The following OR9Q1 variants were observed in gnomAD, a reference collection of about 807,000 sequenced individuals.
OR9Q1 encodes the protein olfactory receptor 9Q1.
For missense variants in OR9Q1, 374 were observed against 378.8 expected, an observed-to-expected ratio of 0.99 and a Z score of 0.11; for synonymous variants, 153 against 148.6, an observed-to-expected ratio of 1.03 and a Z score of -0.22.
chr11:58,095,129 T>C (rs1853718090), intron 2 of OR9Q1, among the ~76,000 whole-genome samples: 1 of 152,254 alleles, frequency 6.6e-6, no homozygotes. Context: ...CAAACCACTG[T>C]AGCAAGAGCT....
chr11:58,113,243 G>A (rs1055269983), intron 2 of OR9Q1, among the ~76,000 whole-genome samples: 1 of 152,100 alleles, frequency 6.6e-6, no homozygotes, highest in African/African-American at 2.4e-5. Context: ...TCTTCATTTT[G>A]CAAAAGAGAA....
intron 2 of OR9Q1, among the ~76,000 whole-genome samples, chr11:58,151,319 C>T (rs1214668413): frequency 6.6e-6 from 1 of 152,144 alleles, no homozygotes; most frequent in Admixed American, 6.5e-5. Context: ...ACCAGTGGGG[C>T]AAATGAAGCC....
Position 58,086,919 on chromosome 11 carries a change from T to C in OR9Q1, c.-15+30972T>C, listed in dbSNP as rs758746510. On this transcript the variant is annotated intron_variant, in intron 2 of 2. Coordinates refer to ENST00000335397, the MANE Select transcript of OR9Q1 (RefSeq NM_001005212.4). ...AATTTCAGTTAGGAGGAATAAGATTTAGTGACCTATTGCACAGAATGGTGA... is the reference window on the plus strand; with the variant it reads ...AATTTCAGTTAGGAGGAATAAGATTCAGTGACCTATTGCACAGAATGGTGA... Among the ~76,000 whole-genome samples, 111 of 151,908 alleles carry C rather than the reference T, an allele frequency of 7.3e-4. 1 individual carries two copies. Among genetic ancestry groups the C allele is most frequent in the Non-Finnish European group, 1.8e-4 (12 of 67,986 alleles).
intron 2 of OR9Q1, among the ~76,000 whole-genome samples, chr11:58,084,655 G>C (rs1415001994): frequency 6.6e-6 from 1 of 151,878 alleles, no homozygotes; most frequent in African/African-American, 2.4e-5. Flanking sequence ...ATCAATAAAT[G>C]TGATTCATCA....
At position 58,180,203 on chromosome 11, in the gene OR9Q1, C is replaced by A; in HGVS notation, c.759C>A (p.Thr253=). ...HLTAVSLFFG[T]LIFMYLRGNS... is the part of the protein sequence containing the mutation. Reference sequence around the variant, plus strand: ...CTGCTGTGTCACTCTTCTTTGGTACCCTCATCTTCATGTACTTGAGAGGTA... The same window carrying A: ...CTGCTGTGTCACTCTTCTTTGGTACACTCATCTTCATGTACTTGAGAGGTA... The change falls in exon 3 of 3, where the codon ACC becomes ACA. Residue 253 remains threonine, a synonymous_variant. Coordinates refer to ENST00000335397, the MANE Select transcript of OR9Q1 (RefSeq NM_001005212.4). 1 of 1,614,024 alleles carries A rather than the reference C, an allele frequency of 6.2e-7. No homozygotes were observed. The highest frequency in any genetic ancestry group is 8.5e-7 in the Non-Finnish European group (1 of 1,179,976).
chr11:58,114,557 A>C (rs1414492772), intron 2 of OR9Q1, among the ~76,000 whole-genome samples: 1 of 152,116 alleles, frequency 6.6e-6, no homozygotes, highest in Non-Finnish European at 1.5e-5. Flanking sequence ...AGGTAGGCAA[A>C]CATTGGGTCT....
intron 2 of OR9Q1, among the ~76,000 whole-genome samples, chr11:58,140,475 G>A (rs1030485329): frequency 6.6e-6 from 1 of 152,096 alleles, no homozygotes; most frequent in Non-Finnish European, 1.5e-5. Flanking sequence ...AAGGTGTAAG[G>A]AAGGAATCCA....
intron 2 of OR9Q1, among the ~76,000 whole-genome samples, chr11:58,070,834 C>T (rs1853480796): frequency 1.3e-5 from 2 of 152,206 alleles, no homozygotes; most frequent in South Asian, 2.1e-4. Flanking sequence ...CAGTAGGTTA[C>T]TTTGTTTGTC....
chr11:58,175,633 C>T (rs1369312063), intron 2 of OR9Q1, among the ~76,000 whole-genome samples: 1 of 152,086 alleles, frequency 6.6e-6, no homozygotes, highest in Non-Finnish European at 1.5e-5. Context: ...AGAATCTCAC[C>T]TATTAGGCTG....
At chr11:58,086,996 T>C (rs1414353040) in intron 2 of OR9Q1, among the ~76,000 whole-genome samples, 1 of 151,790 alleles carries the variant, frequency 6.6e-6, no homozygotes, top group African/African-American at 2.4e-5. Flanking sequence ...TAACAATAGA[T>C]TTTAAATTTC....
chr11:58,142,814 G>A (rs1245820376), intron 2 of OR9Q1, among the ~76,000 whole-genome samples: 1 of 152,094 alleles, frequency 6.6e-6, no homozygotes, highest in Non-Finnish European at 1.5e-5. Context: ...GTCTGTTAAT[G>A]AGTTTTGCAG....
intron 2 of OR9Q1, among the ~76,000 whole-genome samples, chr11:58,133,767 G>A (rs1183591139): frequency 6.6e-6 from 1 of 152,202 alleles, no homozygotes; most frequent in African/African-American, 2.4e-5. Context: ...CAGGTGTTGG[G>A]AATGATTCAG....
At chr11:58,027,342 C>T (rs1482555860) in intron 1 of OR9Q1, among the ~76,000 whole-genome samples, 9 of 152,136 alleles carry the variant, frequency 5.9e-5, no homozygotes, top group Non-Finnish European at 1.2e-4. Flanking sequence ...TGTTCTTTTT[C>T]GCTCATGTAA....
chr11:58,097,474 C>T (rs963755625), intron 2 of OR9Q1, among the ~76,000 whole-genome samples: 6 of 152,140 alleles, frequency 3.9e-5, no homozygotes, highest in African/African-American at 9.7e-5. Flanking sequence ...GGAAGCCATA[C>T]GAAGAAACTG....
At chr11:58,161,994 C>T (rs975848153) in intron 2 of OR9Q1, among the ~76,000 whole-genome samples, 4 of 152,198 alleles carry the variant, frequency 2.6e-5, no homozygotes, top group African/African-American at 7.2e-5. Context: ...TAGAGCTCCA[C>T]GTAGGTGCTA....
chr11:58,135,214 A>T (rs1854178731), intron 2 of OR9Q1, among the ~76,000 whole-genome samples: 1 of 152,178 alleles, frequency 6.6e-6, no homozygotes, highest in Admixed American at 6.5e-5. Flanking sequence ...GTGCAAATGT[A>T]TTGCCAGAAA....
intron 2 of OR9Q1, chr11:58,118,772 TG>T: frequency 6.2e-7 from 1 of 1,614,032 alleles, no homozygotes; most frequent in East Asian, 2.2e-5. Flanking sequence ...ACTTTCAAAA[TG>T]GTCTTGATGA....
chr11:58,061,705 C>T (rs562480026), intron 2 of OR9Q1, among the ~76,000 whole-genome samples: 6 of 152,230 alleles, frequency 3.9e-5, no homozygotes, highest in South Asian at 2.1e-4. Context: ...AAACCAGAGT[C>T]GGCAACAGCA....
chr11:58,153,181 T>C lies in OR9Q1; in HGVS notation c.-14-26250T>C, dbSNP rs550943550. 2.0e-5 allele frequency among the ~76,000 whole-genome samples: 3 copies of C among 152,144 alleles called. No homozygotes were observed. The South Asian group carries it at 6.2e-4, about 32-fold the overall frequency. ...GCCCAGAAAATGAAAACCAAGGTGGTGAAGGAAACAGAAACCAAATTAGAG... is the reference window on the plus strand; with the variant it reads ...GCCCAGAAAATGAAAACCAAGGTGGCGAAGGAAACAGAAACCAAATTAGAG... On this transcript the variant is annotated intron_variant, in intron 2 of 2. Coordinates refer to ENST00000335397, the MANE Select transcript of OR9Q1 (RefSeq NM_001005212.4).
Sources: gnomAD v4.1 joint callset for allele counts (sites outside exome capture counted in the v4.1 genomes callset) on GRCh38, gnomAD v4.1.1 for gene constraint, MANE v1.5 for transcripts, NCBI Gene and HGNC (gene_info 2026-07-23, HGNC 2026-07-21) for gene names.